The following RABGAP1L variants were observed in gnomAD, a reference collection of about 807,000 sequenced individuals.
RABGAP1L encodes the protein rab GTPase-activating protein 1-like.
In RABGAP1L, 63 loss-of-function variants were observed where a neutral mutation model predicts 137.7. That is an observed-to-expected ratio of 0.46 (90% confidence interval 0.37 to 0.56). The LOEUF (loss-of-function observed/expected upper bound fraction) is 0.56, where lower values mean the gene tolerates loss of function less well. Ranked by LOEUF, RABGAP1L falls within the 20% of genes least tolerant of loss-of-function variation. The pLI, the probability that RABGAP1L is intolerant of heterozygous loss-of-function variation, is 0.00. For synonymous variants in RABGAP1L, 431 were observed against 433.7 expected (o/e 0.99, Z 0.08); for missense variants, 1,095 against 1,244.0 (o/e 0.88, Z 1.80).
At chr1:174,409,040 T>C (rs1192311869) in intron 13 of RABGAP1L, among the ~76,000 whole-genome samples, 3 of 152,212 alleles carry the variant, frequency 2.0e-5, no homozygotes, top group Non-Finnish European at 2.9e-5. Context: ...ATAGTTTCTT[T>C]TCCTGTGCAG....
chr1:174,563,293 AT>A (rs1439283630), intron 13 of RABGAP1L, among the ~76,000 whole-genome samples: 2 of 152,198 alleles, frequency 1.3e-5, no homozygotes, highest in African/African-American at 4.8e-5. Flanking sequence ...AAAGATTTCA[AT>A]TTGCACAAGT....
In RABGAP1L at chr1:174,748,291, A is replaced by T. The variant is rs904911068; in HGVS notation, c.2170-4022A>T. 3.9e-5 allele frequency among the ~76,000 whole-genome samples: 6 copies of T among 152,220 alleles called. No individual in the cohort carries two copies. In the South Asian group the frequency reaches 1.2e-3, roughly 32 times the overall value. On this transcript the variant is annotated intron_variant, in intron 17 of 25. Transcript: ENST00000681986. ...TAATCAACCCCCGAAAATTTGGGAA[A>T]GCTAGTGTAGTTTAATCATTCAGTC...
chr1:174,269,224 G>T (rs1015797969), intron 7 of RABGAP1L, among the ~76,000 whole-genome samples: 1 of 152,220 alleles, frequency 6.6e-6, no homozygotes, highest in Non-Finnish European at 1.5e-5. Context: ...ATTTACAGGC[G>T]TGAGCCACTG....
At chr1:174,730,967 A>G (rs994969017) in intron 17 of RABGAP1L, among the ~76,000 whole-genome samples, 4 of 151,980 alleles carry the variant, frequency 2.6e-5, no homozygotes, top group African/African-American at 9.7e-5. Context: ...GGTAAGGAGT[A>G]TCTTGCTATT....
intron 13 of RABGAP1L, among the ~76,000 whole-genome samples, chr1:174,632,721 C>A (rs1313903455): frequency 6.8e-6 from 1 of 146,396 alleles, no homozygotes; most frequent in African/African-American, 2.6e-5. Flanking sequence ...ACGTAGTTCT[C>A]GAGCCTTGGT....
chr1:174,219,428 C>T, intron 2 of RABGAP1L, 133 bp downstream of exon 2: 3 of 604,068 alleles, frequency 5.0e-6, no homozygotes, highest in Non-Finnish European at 7.4e-6. Flanking sequence ...TTTATCCAGA[C>T]CCTAATTATT....
chr1:174,201,443 C>A (rs1668090860), intron 1 of RABGAP1L, among the ~76,000 whole-genome samples: 1 of 152,082 alleles, frequency 6.6e-6, no homozygotes, highest in Non-Finnish European at 1.5e-5. Context: ...GGTGATCCGC[C>A]CACCTTGGCC....
chr1:174,287,412 G>A (rs2148707114), intron 10 of RABGAP1L, among the ~76,000 whole-genome samples: 1 of 152,258 alleles, frequency 6.6e-6, no homozygotes, highest in Non-Finnish European at 1.5e-5. Context: ...TTCAGCCTGT[G>A]TGTTCTCAAA....
chr1:174,269,819 A>G (rs898583702), intron 7 of RABGAP1L, among the ~76,000 whole-genome samples: 4 of 152,128 alleles, frequency 2.6e-5, no homozygotes, highest in Non-Finnish European at 5.9e-5. Flanking sequence ...CCCCCACTAT[A>G]CTGTAAACTC....
chr1:174,238,558 G>A (rs1308907002), intron 4 of RABGAP1L, among the ~76,000 whole-genome samples: 2 of 151,898 alleles, frequency 1.3e-5, no homozygotes, highest in Admixed American at 6.6e-5. Flanking sequence ...CTGCTGGGGG[G>A]TGCCTCCCAG....
At chr1:174,327,660 T>C (rs1489009963) in intron 11 of RABGAP1L, among the ~76,000 whole-genome samples, 1 of 151,840 alleles carries the variant, frequency 6.6e-6, no homozygotes, top group East Asian at 1.9e-4. Context: ...ATAATTAACT[T>C]GAGTGTAAAT....
intron 19 of RABGAP1L, among the ~76,000 whole-genome samples, chr1:174,890,614 C>T (rs1365848000): frequency 1.3e-5 from 2 of 152,126 alleles, no homozygotes; most frequent in African/African-American, 2.4e-5. Context: ...AGTGAAGTTA[C>T]CTACCCATTC....
intron 13 of RABGAP1L, among the ~76,000 whole-genome samples, chr1:174,614,286 G>T (rs939874786): frequency 6.6e-6 from 1 of 152,084 alleles, no homozygotes; most frequent in Non-Finnish European, 1.5e-5. Context: ...TTGCTTGTCT[G>T]TAAAGGAGTT....
intron 3 of RABGAP1L, among the ~76,000 whole-genome samples, chr1:174,222,407 G>C (rs1410743942): frequency 2.6e-5 from 4 of 152,184 alleles, no homozygotes; most frequent in Non-Finnish European, 5.9e-5. Context: ...TTTATGTAGG[G>C]AATGTAATCA....
chr1:174,176,346 G>A (rs920500906), intron 1 of RABGAP1L, among the ~76,000 whole-genome samples: 2 of 152,094 alleles, frequency 1.3e-5, no homozygotes, highest in South Asian at 2.1e-4. Flanking sequence ...TTTATAACTC[G>A]TCATTTGTAA....
intron 11 of RABGAP1L, among the ~76,000 whole-genome samples, chr1:174,306,291 G>A (rs1678239089): frequency 6.6e-6 from 1 of 152,144 alleles, no homozygotes; most frequent in Non-Finnish European, 1.5e-5. Flanking sequence ...GTAATTGGAT[G>A]GCTGGGTCAA....
intron 24 of RABGAP1L, among the ~76,000 whole-genome samples, chr1:174,985,933 C>A (rs928663284): frequency 1.3e-5 from 2 of 151,968 alleles, no homozygotes; most frequent in African/African-American, 4.8e-5. Context: ...ACCAATCCTT[C>A]CTTTCTTTTT....
chr1:174,514,259 A>AC (rs895704764), intron 13 of RABGAP1L, among the ~76,000 whole-genome samples: 4 of 151,124 alleles, frequency 2.6e-5, no homozygotes, highest in Non-Finnish European at 5.9e-5. Flanking sequence ...AAAAAAAAAA[A>AC]AAAAAAAAAA....
At chr1:174,340,674 G>C (rs963940466) in intron 11 of RABGAP1L, among the ~76,000 whole-genome samples, 2 of 152,080 alleles carry the variant, frequency 1.3e-5, no homozygotes, top group African/African-American at 4.8e-5. Flanking sequence ...AGTCTATCTT[G>C]ATGGGCATTT....
Sources: allele counts gnomAD v4.1 joint callset (sites outside exome capture counted in the v4.1 genomes callset), GRCh38; gene constraint gnomAD v4.1.1; transcripts MANE v1.5; gene names NCBI Gene and HGNC (gene_info 2026-07-23, HGNC 2026-07-21).